The following ADGRE2 variants were observed in gnomAD, a reference collection of about 807,000 sequenced individuals.
ADGRE2 encodes CD97 antigen.
ADGRE2 carries 83 observed loss-of-function variants against 100.8 expected under a neutral mutation model. That is an observed-to-expected ratio of 0.82 (90% CI 0.69 to 0.99). The LOEUF is 0.99. Ranked by LOEUF, ADGRE2 falls within the 50% of genes least tolerant of loss-of-function variation. The pLI is 0.00. For missense variants in ADGRE2, 814 were observed against 1,035.7 expected (o/e 0.79, Z 2.94); for synonymous variants, 355 against 413.0 (o/e 0.86, Z 1.70).
At chr19:14,751,808 C>A in intron 15 of ADGRE2, 137 bp from the exon 16 acceptor site, 1 of 649,466 alleles carries the variant, frequency 1.5e-6, no homozygotes, top group Non-Finnish European at 2.6e-6. Context: ...GTAGTTGAGT[C>A]AGGCAATGGG....
In ADGRE2 at chr19:14,774,451, C is replaced by T. The variant is rs183208385; in HGVS notation, c.32-145G>A. The T allele has an allele frequency of 5.2e-3, 7,433 of 1,427,640 alleles. 65 individuals carry two copies. Among genetic ancestry groups the T allele is most frequent in the Middle Eastern group, 0.016 (91 of 5,532 alleles). The allele number at this position is 1,427,640 out of a possible 1,614,324, so 88.4% of individuals were successfully genotyped here. On this transcript the variant is annotated intron_variant, in intron 2 of 20. Transcript: ENST00000315576. The stretch of plus-strand genomic sequence containing the variant: ...GTTCAAACAGAGTGAGCAGATGTCA[C>T]GTCCCACTCGGATGCTCAAAGCCAG...
intron 5 of ADGRE2, among the ~76,000 whole-genome samples, chr19:14,767,849 A>G (rs1378380512): frequency 6.6e-6 from 1 of 152,180 alleles, no homozygotes; most frequent in Non-Finnish European, 1.5e-5. Context: ...CTCCTCTTCA[A>G]GTAGTCACAG....
At chr19:14,759,194 C>T (rs968336077) in intron 11 of ADGRE2, among the ~76,000 whole-genome samples, 4 of 152,102 alleles carry the variant, frequency 2.6e-5, no homozygotes, top group Non-Finnish European at 2.9e-5. Context: ...GGAGCCCCCA[C>T]GTTGAACATG....
At chr19:14,729,106 C>T (rs914801757), downstream of ADGRE2, among the ~76,000 whole-genome samples, 5 of 151,978 alleles carry the variant, frequency 3.3e-5, no homozygotes, top group South Asian at 2.1e-4. Context: ...TGATTAGTGC[C>T]GACGGGAAGG....
At position 14,752,761 on chromosome 19, in the gene ADGRE2, G is replaced by C. The variant is rs899833618; in HGVS notation, c.1591-235C>G. 2.0e-5 allele frequency among the ~76,000 whole-genome samples: 3 copies of C among 147,140 alleles called. No individual in the cohort carries two copies. In the Admixed American group the frequency reaches 2.1e-4, roughly 10 times the overall value. On this transcript the variant is annotated intron_variant, in intron 14 of 20. Transcript: ENST00000315576. ...GACAACGGGTGTGCATTATAGTCAT[G>C]TATGGCACCATGCCCTGCTAATTTT...
In ADGRE2 at chr19:14,737,395, T is replaced by C. The variant is rs2042788860; in HGVS notation, c.2464-1151A>G. ...TTTTTGTAGAGATGGGGTCTCACTG[T>C]ATAGCCCAAGCTGCTGTTGAACTTC... On this transcript the variant is annotated intron_variant, in intron 20 of 20. Transcript: ENST00000315576. Among the ~76,000 whole-genome samples, 3 of 152,224 alleles carry C rather than the reference T, an allele frequency of 2.0e-5. No homozygotes were observed. In the South Asian group the frequency reaches 6.2e-4, roughly 32 times the overall value.
At position 14,743,889 on chromosome 19, in the gene ADGRE2, C is replaced by A. The variant is rs149478210; in HGVS notation, c.2184-105G>T. 1,168 of 1,038,850 alleles carry A rather than the reference C, an allele frequency of 1.1e-3. 12 individuals carry two copies. In the African/African-American group the frequency reaches 0.018, roughly 16 times the overall value. 64.4% of individuals were successfully genotyped at this position (1,038,850 alleles called of 1,614,324 possible). On this transcript the variant is annotated intron_variant, in intron 18 of 20. Coordinates refer to ENST00000315576, the MANE Select transcript of ADGRE2 (RefSeq NM_013447.4). ...CCCTGCCCTCCCCTGTAGATGATTTCTCAGACTGGGCTGTGGTCAGCTTAG... is the reference window on the plus strand; with the variant it reads ...CCCTGCCCTCCCCTGTAGATGATTTATCAGACTGGGCTGTGGTCAGCTTAG...
chr19:14,726,733 T>C, the ADGRE2 span, among the ~76,000 whole-genome samples: 1 of 152,214 alleles, frequency 6.6e-6, no homozygotes, highest in Non-Finnish European at 1.5e-5. Context: ...ATAACAAGGC[T>C]GACCTTTGCT....
At chr19:14,760,914 A>G (rs1049147114) in intron 11 of ADGRE2, among the ~76,000 whole-genome samples, 1 of 152,166 alleles carries the variant, frequency 6.6e-6, no homozygotes, top group African/African-American at 2.4e-5. Flanking sequence ...ACAGCCCCTT[A>G]TCGTATTCCA....
chr19:14,732,204 CCT>C (rs777649476), downstream of ADGRE2: 2 of 152,138 alleles, frequency 1.3e-5, no homozygotes, highest in Admixed American at 6.5e-5. Context: ...TTATGGCAGC[CCT>C]GTGTCGAGCA....
chr19:14,742,688 G>A (rs74646321), intron 20 of ADGRE2, among the ~76,000 whole-genome samples: 1,568 of 152,300 alleles, frequency 0.01, 24 homozygotes, highest in East Asian at 0.067. Flanking sequence ...TCATAAATAT[G>A]TACAGCATTT....
rs745451041 is a variant in ADGRE2, at chr19:14,776,818, C to G, written c.-62G>C. 12 of 1,605,960 alleles carry G rather than the reference C, an allele frequency of 7.5e-6. No individual in the cohort carries two copies. The highest frequency in any genetic ancestry group is 4.0e-5 in the African/African-American group (3 of 74,642). The stretch of plus-strand genomic sequence containing the variant: ...AAGAGTGAGTGGGACAGGGCTGTCC[C>G]GTCTCCGCAGGCTGGGCAGCTGTGC... On this transcript the variant is annotated 5_prime_UTR_variant, in exon 2 of 21. Coordinates refer to ENST00000315576, the MANE Select transcript of ADGRE2 (RefSeq NM_013447.4).
chr19:14,766,904 C>T, intron 6 of ADGRE2, 74 bp downstream of exon 6: 1 of 1,547,076 alleles, frequency 6.5e-7, no homozygotes, highest in African/African-American at 1.4e-5. Context: ...TCCTCCTCGG[C>T]TGCTTTGGAG....
rs1216884776 is a variant in ADGRE2 at position 14,774,006 on chromosome 19, G to A, written c.131C>T (p.Ala44Val). The change falls in exon 4 of 21, where the codon GCC (alanine) becomes GTC (valine). Residue 44 changes from alanine (A) to valine (V), a missense_variant. By Grantham distance (64) the Ala-to-Val change is moderately conservative (BLOSUM62 0). This residue lies in a region of ADGRE2 where 143 missense variants were observed against 160.3 expected (regional missense o/e 0.89). Transcript: ENST00000315576. ...GCTGAACCCTGGATTGCAGCGACAGGCGGTGGCATTGACACACGAGGAGTC... is the reference window on the plus strand; with the variant it reads ...GCTGAACCCTGGATTGCAGCGACAGACGGTGGCATTGACACACGAGGAGTC... ...PQDSSCVNAT[A>V]CRCNPGFSSF... The A allele has an allele frequency of 2.5e-6, 4 of 1,614,106 alleles. No individual in the cohort carries two copies. The highest frequency in any genetic ancestry group is 2.2e-5 in the East Asian group (1 of 44,874).
intron 20 of ADGRE2, chr19:14,742,118 C>G (rs1351972684): frequency 7.5e-6 from 3 of 398,490 alleles, no homozygotes; most frequent in Non-Finnish European, 1.3e-5. Context: ...AAACTGAGAT[C>G]ATTGCTAATG....
At position 14,733,038 on chromosome 19, in the gene ADGRE2, C is replaced by G. The variant is rs2147058302; in HGVS notation, c.*3198G>C. On this transcript the variant is annotated 3_prime_UTR_variant, in exon 21 of 21. Coordinates refer to ENST00000315576, the MANE Select transcript of ADGRE2 (RefSeq NM_013447.4). Reference sequence around the variant, plus strand: ...TGTTCCAAGCCTCCAGCTGTGTGTTCTGCTTCCTCAAGCAGCAGCTGACTC... The same window carrying G: ...TGTTCCAAGCCTCCAGCTGTGTGTTGTGCTTCCTCAAGCAGCAGCTGACTC... The G allele has an allele frequency of 6.6e-6, 1 of 152,274 alleles. No individual in the cohort carries two copies. The highest frequency in any genetic ancestry group is 1.9e-4 in the East Asian group (1 of 5,198). 9.4% of individuals were successfully genotyped at this position (152,274 alleles called of 1,614,324 possible). A position where few individuals can be genotyped will look rare whatever the true frequency, so the allele number is the denominator to read the frequency against.
chr19:14,774,677 TC>T, intron 2 of ADGRE2, among the ~76,000 whole-genome samples: 1 of 131,384 alleles, frequency 7.6e-6, no homozygotes, highest in Non-Finnish European at 1.7e-5. Flanking sequence ...TTTTAAATTT[TC>T]TTTCTTTCTT....
intron 17 of ADGRE2, 93 bp downstream of exon 17, chr19:14,746,803 G>T: frequency 8.0e-7 from 1 of 1,250,060 alleles, no homozygotes; most frequent in East Asian, 2.5e-5. Flanking sequence ...TGACAACCCA[G>T]GGGACATTCC....
chr19:14,756,259 C>T lies in ADGRE2; in HGVS notation c.1171G>A (p.Ala391Thr), dbSNP rs775300785. The T allele has an allele frequency of 6.2e-7, 1 of 1,614,002 alleles. No homozygotes were observed. Among genetic ancestry groups the T allele is most frequent in the South Asian group, 1.1e-5 (1 of 91,084 alleles). Residue 391 changes from alanine to threonine, a missense_variant, in exon 12 of 21, where the codon GCA becomes ACA. By Grantham distance (58) the Ala-to-Thr change is moderately conservative. Around this residue, in one of 5 missense-constraint regions of ADGRE2, gnomAD observed 569 missense variants for 692.7 expected, o/e 0.82. Transcript: ENST00000315576. ...TTACCTGGGTCACCAGATTTCTGTG[C>T]CTGATTCCAGTCGAGCTGCATCACT... Reference protein sequence around the residue: ...QAVMQLDWNQAQKSGDPGPSV... With the variant: ...QAVMQLDWNQTQKSGDPGPSV...
Sources: gnomAD v4.1 joint callset for allele counts (sites outside exome capture counted in the v4.1 genomes callset) on GRCh38, gnomAD v4.1.1 for gene constraint, gnomAD v4.1.1 regional missense constraint, MANE v1.5 for transcripts, NCBI Gene and HGNC (gene_info 2026-07-23, HGNC 2026-07-21) for gene names.